Variants in ACTR3C observed in about 807,000 individuals in gnomAD.
ACTR3C encodes actin-related protein 3C.
ACTR3C carries 18 observed loss-of-function variants against 26.3 expected under a neutral mutation model. The observed-to-expected ratio is 0.68, with a 90% CI of 0.47 to 1.01. The LOEUF is 1.01. Ranked by LOEUF, ACTR3C falls within the 50% of genes least tolerant of loss-of-function variation. The pLI, the probability that ACTR3C is intolerant of heterozygous loss-of-function variation, is 0.00. For synonymous variants in ACTR3C, 55 were observed against 94.5 expected, an observed-to-expected ratio of 0.58 and a Z score of 2.42; for missense variants, 184 against 250.7, an observed-to-expected ratio of 0.73 and a Z score of 1.80.
the ACTR3C span, among the ~76,000 whole-genome samples, chr7:150,222,426 G>A: frequency 6.6e-6 from 1 of 152,212 alleles, no homozygotes; most frequent in African/African-American, 2.4e-5. Flanking sequence ...CAGGTGCTTC[G>A]CATAGTAGTA....
At chr7:150,039,315 G>T in the ACTR3C span, among the ~76,000 whole-genome samples, 1 of 148,434 alleles carries the variant, frequency 6.7e-6, no homozygotes, top group Non-Finnish European at 1.5e-5. Context: ...ACAGCCAGGG[G>T]CGGAAGAGGG....
At chr7:150,264,216 G>C (rs1833858420) in intron 6 of ACTR3C, among the ~76,000 whole-genome samples, 1 of 152,246 alleles carries the variant, frequency 6.6e-6, no homozygotes, top group African/African-American at 2.4e-5. Context: ...TTGCGATTCA[G>C]AATCCCTGCT....
chr7:150,026,384 C>A, the ACTR3C span, among the ~76,000 whole-genome samples: 1 of 152,042 alleles, frequency 6.6e-6, no homozygotes. Context: ...TCAAGCGTTC[C>A]TGCTCAATAG....
the ACTR3C span, among the ~76,000 whole-genome samples, chr7:150,108,041 C>G: frequency 0.14 from 20,380 of 147,342 alleles, 1,722 homozygotes; most frequent in African/African-American, 0.21. Context: ...CATCTGATAG[C>G]CTGGAATTGA....
At chr7:150,212,769 G>A in the ACTR3C span, among the ~76,000 whole-genome samples, 4 of 152,164 alleles carry the variant, frequency 2.6e-5, no homozygotes, top group Non-Finnish European at 4.4e-5. Flanking sequence ...TCTATCAGAC[G>A]TGGCCCTTCA....
chr7:150,031,869 G>T, the ACTR3C span, among the ~76,000 whole-genome samples: 9 of 152,190 alleles, frequency 5.9e-5, no homozygotes, highest in African/African-American at 2.2e-4. Context: ...GGCCCTTCCT[G>T]TTTTGTTCTT....
chr7:149,956,981 G>A, the ACTR3C span, among the ~76,000 whole-genome samples: 1 of 152,116 alleles, frequency 6.6e-6, no homozygotes, highest in Non-Finnish European at 1.5e-5. Flanking sequence ...TTTCCCAAGG[G>A]CAATGCCATT....
the ACTR3C span, among the ~76,000 whole-genome samples, chr7:150,199,020 G>C: frequency 6.9e-6 from 1 of 145,838 alleles, no homozygotes; most frequent in Admixed American, 6.6e-5. Context: ...CGCCCCGTCC[G>C]GGAGGTGAGG....
At chr7:150,233,073 G>A in the ACTR3C span, among the ~76,000 whole-genome samples, 9 of 151,976 alleles carry the variant, frequency 5.9e-5, no homozygotes, top group Non-Finnish European at 8.8e-5. Context: ...CCTTTGTTAC[G>A]CAGATTTGAG....
the ACTR3C span, among the ~76,000 whole-genome samples, chr7:150,049,214 C>T: frequency 6.6e-6 from 1 of 152,080 alleles, no homozygotes; most frequent in Non-Finnish European, 1.5e-5. Context: ...TCTTCCCCTC[C>T]CGGCCCTCCC....
the ACTR3C span, among the ~76,000 whole-genome samples, chr7:150,104,487 A>T: frequency 6.6e-6 from 1 of 151,804 alleles, no homozygotes. Flanking sequence ...CTCAAAGGGC[A>T]TTAGTTTCCC....
intron 3 of ACTR3C, 38 bp downstream of exon 3, chr7:150,293,274 A>G: frequency 6.5e-7 from 1 of 1,534,266 alleles, no homozygotes; most frequent in Non-Finnish European, 8.8e-7. Flanking sequence ...ATCAGGTGTT[A>G]AGCCTACAGA....
the ACTR3C span, among the ~76,000 whole-genome samples, chr7:149,898,583 A>G: frequency 6.8e-6 from 1 of 147,714 alleles, no homozygotes; most frequent in African/African-American, 2.4e-5. Flanking sequence ...GCGCACCTGT[A>G]GTCCCAGCTA....
At chr7:150,275,116 T>C (rs1173951426) in intron 6 of ACTR3C, among the ~76,000 whole-genome samples, 1 of 152,178 alleles carries the variant, frequency 6.6e-6, no homozygotes, top group Non-Finnish European at 1.5e-5. Context: ...AGTTACAGAC[T>C]CCTGTGTATG....
the ACTR3C span, among the ~76,000 whole-genome samples, chr7:150,204,331 C>T: frequency 1.4e-4 from 20 of 145,816 alleles, no homozygotes; most frequent in Non-Finnish European, 2.7e-4. Flanking sequence ...GGGTGTTTCT[C>T]ATAAGCCAGA....
chr7:150,060,752 G>A, the ACTR3C span, among the ~76,000 whole-genome samples: 1 of 151,996 alleles, frequency 6.6e-6, no homozygotes, highest in Non-Finnish European at 1.5e-5. Flanking sequence ...CTGACTCAGG[G>A]CAGCCCCTTC....
chr7:150,038,880 G>A, the ACTR3C span, among the ~76,000 whole-genome samples: 86 of 58,338 alleles, frequency 1.5e-3, 9 homozygotes, highest in African/African-American at 4.2e-3. Flanking sequence ...CCTGCCTCGC[G>A]GGGGGTGCCT....
the ACTR3C span, among the ~76,000 whole-genome samples, chr7:150,163,687 T>C: frequency 1.3e-5 from 2 of 151,966 alleles, no homozygotes; most frequent in South Asian, 4.2e-4. Flanking sequence ...GTCCCAAGAC[T>C]TGAGAACCAA....
chr7:150,190,873 C>T, the ACTR3C span, among the ~76,000 whole-genome samples: 6,811 of 152,094 alleles, frequency 0.045, 360 homozygotes, highest in East Asian at 0.16. Flanking sequence ...CTTCATGTGA[C>T]GGCAGCAAGG....
Sources: allele counts gnomAD v4.1 joint callset (sites outside exome capture counted in the v4.1 genomes callset), GRCh38; gene constraint gnomAD v4.1.1; transcripts MANE v1.5; gene names NCBI Gene and HGNC (gene_info 2026-07-23, HGNC 2026-07-21).